Variants in ZNF438 observed in about 807,000 individuals in gnomAD.
The protein encoded by ZNF438 is zinc finger protein 438.
In ZNF438, 25 loss-of-function variants were observed where a neutral mutation model predicts 38.0. That is an observed-to-expected ratio of 0.66 (90% confidence interval 0.48 to 0.92). The LOEUF (loss-of-function observed/expected upper bound fraction) is 0.92, where lower values mean the gene tolerates loss of function less well. Among genes scored for constraint, ZNF438 ranks in the 40% least tolerant of loss-of-function variants. ZNF438 has a pLI of 0.00. For missense variants in ZNF438, 1,007 were observed against 999.6 expected (o/e 1.01, Z -0.10); for synonymous variants, 372 against 364.1 (o/e 1.02, Z -0.25).
intron 1 of ZNF438, among the ~76,000 whole-genome samples, chr10:31,020,006 C>CT (rs1340241371): frequency 6.6e-6 from 1 of 152,142 alleles, no homozygotes; most frequent in Non-Finnish European, 1.5e-5. Context: ...ACATGTAACT[C>CT]TTTTTTTCCA....
chr10:30,898,851 T>A (rs1020927497), intron 3 of ZNF438, among the ~76,000 whole-genome samples: 10 of 152,156 alleles, frequency 6.6e-5, no homozygotes, highest in African/African-American at 2.4e-4. Flanking sequence ...TGCACCTGTA[T>A]CAATAAGAGG....
chr10:30,931,227 C>CTG (rs1187828179), intron 2 of ZNF438, among the ~76,000 whole-genome samples: 1 of 152,192 alleles, frequency 6.6e-6, no homozygotes, highest in East Asian at 1.9e-4. Context: ...GGTCATCTTA[C>CTG]TGACCATGCC....
chr10:31,021,894 C>T (rs545179932), intron 1 of ZNF438, among the ~76,000 whole-genome samples: 60 of 151,846 alleles, frequency 4.0e-4, no homozygotes, highest in Admixed American at 1.1e-3. Flanking sequence ...TGAAGTTGAT[C>T]GTCTTACAGC....
At chr10:30,867,558 G>A (rs969756581) in intron 4 of ZNF438, among the ~76,000 whole-genome samples, 12 of 152,154 alleles carry the variant, frequency 7.9e-5, no homozygotes. Flanking sequence ...TAATTTTTGA[G>A]AGTGTAAAGG....
chr10:30,935,214 G>A (rs1335206734), intron 2 of ZNF438, among the ~76,000 whole-genome samples: 1 of 152,214 alleles, frequency 6.6e-6, no homozygotes, highest in Non-Finnish European at 1.5e-5. Flanking sequence ...ACTTGTTCAA[G>A]GTTGTTAGTG....
intron 3 of ZNF438, among the ~76,000 whole-genome samples, chr10:30,879,485 C>T (rs74133701): frequency 0.018 from 2,781 of 151,900 alleles, 74 homozygotes; most frequent in African/African-American, 0.064. Flanking sequence ...CATGCAGAAA[C>T]GCAGAAAAAT....
intron 3 of ZNF438, among the ~76,000 whole-genome samples, chr10:30,884,986 G>A (rs1186387027): frequency 6.6e-6 from 1 of 152,184 alleles, no homozygotes; most frequent in Non-Finnish European, 1.5e-5. Flanking sequence ...ATAAGTGCAT[G>A]CTCTTGTATG....
chr10:30,849,822 T>C, exon 5 of ZNF438: 1 of 1,614,162 alleles, frequency 6.2e-7, no homozygotes, highest in East Asian at 2.2e-5. Context: ...CTTCCATTGG[T>C]CAGCGCAGCT....
intron 5 of ZNF438, 83 bp from the exon 7 acceptor site, chr10:30,845,656 GATCTAAAACATAACA>G (rs754672566): frequency 6.0e-5 from 90 of 1,490,880 alleles, no homozygotes; most frequent in Non-Finnish European, 7.7e-5. Flanking sequence ...AGCCTTCAGG[GATCTAAAACATAACA>G]CTGACGAGAA....
At chr10:30,863,466 G>A (rs1374714772) in intron 4 of ZNF438, among the ~76,000 whole-genome samples, 3 of 152,148 alleles carry the variant, frequency 2.0e-5, no homozygotes, top group Admixed American at 1.3e-4. Context: ...GAGTGAAGGC[G>A]GCAGAGTTTG....
At chr10:30,933,287 T>G (rs1217886403) in intron 2 of ZNF438, among the ~76,000 whole-genome samples, 1 of 152,172 alleles carries the variant, frequency 6.6e-6, no homozygotes, top group Admixed American at 6.5e-5. Context: ...TCCCATCTAA[T>G]AGAGGCAGCT....
chr10:30,976,953 T>C (rs2051432561), intron 1 of ZNF438, among the ~76,000 whole-genome samples: 1 of 152,138 alleles, frequency 6.6e-6, no homozygotes, highest in African/African-American at 2.4e-5. Flanking sequence ...AACAACATAA[T>C]AGGTATTTAG....
intron 1 of ZNF438, among the ~76,000 whole-genome samples, chr10:30,954,747 G>A (rs2135900392): frequency 6.6e-6 from 1 of 152,236 alleles, no homozygotes; most frequent in Admixed American, 6.5e-5. Context: ...TGATACACAG[G>A]AAGCCCACAA....
chr10:30,987,368 T>TAA (rs563193843), intron 1 of ZNF438, among the ~76,000 whole-genome samples: 4 of 147,630 alleles, frequency 2.7e-5, no homozygotes, highest in East Asian at 2.0e-4. Context: ...GATGCTGAAT[T>TAA]AAAAAAAAAA....
At chr10:31,031,366 TATAA>T (rs1324361722) in intron 1 of ZNF438, among the ~76,000 whole-genome samples, 8 of 152,188 alleles carry the variant, frequency 5.3e-5, no homozygotes, top group East Asian at 1.9e-4. Flanking sequence ...CTGGTTATCT[TATAA>T]ATGTGTCCAC....
chr10:30,963,627 A>T (rs541166602), intron 1 of ZNF438, among the ~76,000 whole-genome samples: 5 of 152,148 alleles, frequency 3.3e-5, no homozygotes, highest in African/African-American at 9.6e-5. Flanking sequence ...TAATCCCAGC[A>T]CTTTGGGAGG....
In ZNF438 at chr10:30,947,073, A is replaced by C. The variant is rs368654170; in HGVS notation, c.-191-5422T>G. ...AACTACTGTAGGACTGTTATACTAGAGAAGCTACATGCAAGTCCTCTGGTA... is the reference window on the plus strand; with the variant it reads ...AACTACTGTAGGACTGTTATACTAGCGAAGCTACATGCAAGTCCTCTGGTA... On this transcript the variant is annotated intron_variant, in intron 1 of 5. Transcript: ENST00000413025. Among the ~76,000 whole-genome samples, 14 of 152,340 alleles carry C rather than the reference A, an allele frequency of 9.2e-5. No homozygotes were observed. The East Asian group carries it at 2.7e-3, about 29-fold the overall frequency.
chr10:30,849,145 T>C (rs773917880), exon 5 of ZNF438: 1 of 1,613,862 alleles, frequency 6.2e-7, no homozygotes, highest in Admixed American at 1.7e-5. Context: ...CTCTGAATTC[T>C]TGGGGATCAT....
At chr10:30,914,905 T>A (rs997697865) in intron 2 of ZNF438, among the ~76,000 whole-genome samples, 1 of 152,036 alleles carries the variant, frequency 6.6e-6, no homozygotes, top group African/African-American at 2.4e-5. Flanking sequence ...CAACTATTTA[T>A]GACCTAAGAA....
Sources: gnomAD v4.1 joint callset for allele counts (sites outside exome capture counted in the v4.1 genomes callset) on GRCh38, gnomAD v4.1.1 for gene constraint, MANE v1.5 for transcripts, NCBI Gene and HGNC (gene_info 2026-07-23, HGNC 2026-07-21) for gene names.